CYYR1: variants seen among roughly 807,000 people sequenced by gnomAD.
CYYR1 encodes cysteine and tyrosine rich 1.
Under a neutral mutation model 15.2 loss-of-function variants are expected in CYYR1, and 14 were observed. The observed-to-expected ratio is 0.92, with a 90% CI of 0.61 to 1.44. The LOEUF (loss-of-function observed/expected upper bound fraction) is 1.44. Among genes scored for constraint, CYYR1 ranks in the 40% most tolerant of loss-of-function variants. The pLI is 0.00. For synonymous variants in CYYR1, 80 were observed against 77.4 expected (o/e 1.03, Z -0.18); for missense variants, 228 against 209.5 (o/e 1.09, Z -0.54).
intron 2 of CYYR1, among the ~76,000 whole-genome samples, chr21:26,520,113 GATATATATATATATAT>G (rs71183558): frequency 9.9e-5 from 12 of 120,704 alleles, no homozygotes; most frequent in African/African-American, 4.1e-4. Context: ...AAACCCAGGA[GATATATATATATATAT>G]ATATATATAT....
rs199720360 is a variant in CYYR1 at position 26,468,466 on chromosome 21, C to T, written c.*35G>A. 1.3e-4 allele frequency: 166 copies of T among 1,302,746 alleles called. No homozygotes were observed. The highest frequency in any genetic ancestry group is 1.6e-4 in the Non-Finnish European group (147 of 895,668). 80.7% of individuals were successfully genotyped at this position (1,302,746 alleles called of 1,614,324 possible). A position where few individuals can be genotyped will look rare whatever the true frequency, so the allele number is the denominator to read the frequency against. On this transcript the variant is annotated 3_prime_UTR_variant, in exon 4 of 4. Transcript: ENST00000652641. ...AGAGGCATTTTATTCCAGGCAAGAT[C>T]GCCCATTGGCACATGTTCTGTTCTG...
At chr21:26,486,335 C>T (rs1176003072) in intron 2 of CYYR1, among the ~76,000 whole-genome samples, 1 of 151,938 alleles carries the variant, frequency 6.6e-6, no homozygotes, top group Non-Finnish European at 1.5e-5. Flanking sequence ...GGGAACTTTT[C>T]ATGAAGCCCT....
chr21:26,512,177 C>T (rs1229641098), intron 2 of CYYR1, among the ~76,000 whole-genome samples: 2 of 151,918 alleles, frequency 1.3e-5, no homozygotes, highest in South Asian at 2.1e-4. Flanking sequence ...TTAGGAGTAT[C>T]GTTCACATTC....
At chr21:26,515,027 C>T (rs222924) in intron 2 of CYYR1, among the ~76,000 whole-genome samples, 108,176 of 152,194 alleles carry the variant, frequency 0.71, 39,519 homozygotes, top group African/African-American at 0.86. Flanking sequence ...ACTATCTTTT[C>T]TCCCCATGTT....
At chr21:26,530,936 T>C (rs1035127025) in intron 2 of CYYR1, among the ~76,000 whole-genome samples, 13 of 152,272 alleles carry the variant, frequency 8.5e-5, no homozygotes, top group African/African-American at 2.4e-4. Context: ...ATAATGATGA[T>C]GCAATGTGAC....
Position 26,526,242 on chromosome 21 carries a change from G to A in CYYR1, c.176+40024C>T, listed in dbSNP as rs141637575. Among the ~76,000 whole-genome samples, 237 of 152,286 alleles carry A rather than the reference G, an allele frequency of 1.6e-3. 4 individuals carry two copies. The East Asian group carries it at 0.041, about 26-fold the overall frequency. ...GTGGGTGGACCACTTAAGGTCAGGA[G>A]TTCGAAACCAGCCTGGCCAACATGG... On this transcript the variant is annotated intron_variant, in intron 2 of 3. Coordinates refer to ENST00000652641, the MANE Select transcript of CYYR1 (RefSeq NM_001320768.2).
intron 2 of CYYR1, among the ~76,000 whole-genome samples, chr21:26,507,130 C>T (rs2065578204): frequency 6.6e-6 from 1 of 152,140 alleles, no homozygotes; most frequent in African/African-American, 2.4e-5. Flanking sequence ...AATTCACACT[C>T]AATTTTGACA....
intron 3 of CYYR1, among the ~76,000 whole-genome samples, chr21:26,474,391 A>G (rs2065074339): frequency 6.7e-6 from 1 of 149,618 alleles, no homozygotes; most frequent in African/African-American, 2.5e-5. Flanking sequence ...CCATGAAAAA[A>G]GAAGAATACA....
intron 2 of CYYR1, among the ~76,000 whole-genome samples, chr21:26,501,607 T>G (rs956921322): frequency 2.0e-5 from 3 of 152,224 alleles, no homozygotes; most frequent in Non-Finnish European, 4.4e-5. Flanking sequence ...ACTTTTCTAT[T>G]CTGTTCACAA....
intron 2 of CYYR1, among the ~76,000 whole-genome samples, chr21:26,535,678 T>A (rs1569164479): frequency 6.6e-6 from 1 of 152,316 alleles, no homozygotes; most frequent in East Asian, 1.9e-4. Flanking sequence ...ATGCAATCTC[T>A]GCATTCTGAG....
chr21:26,493,521 A>G (rs1325214154), intron 2 of CYYR1, among the ~76,000 whole-genome samples: 2 of 152,194 alleles, frequency 1.3e-5, no homozygotes, highest in African/African-American at 4.8e-5. Context: ...CTAAAGGACT[A>G]TTACAACTCT....
intron 2 of CYYR1, among the ~76,000 whole-genome samples, chr21:26,519,621 C>G (rs982983518): frequency 6.6e-6 from 1 of 152,160 alleles, no homozygotes; most frequent in African/African-American, 2.4e-5. Context: ...GCGTTTTGAG[C>G]AGAGCAGTGG....
At chr21:26,563,157 A>G (rs1435521502) in intron 2 of CYYR1, among the ~76,000 whole-genome samples, 12 of 152,170 alleles carry the variant, frequency 7.9e-5, no homozygotes, top group Non-Finnish European at 1.2e-4. Flanking sequence ...TTTTAAGTTC[A>G]ATTTTAAAGT....
Position 26,480,296 on chromosome 21 carries a change from T to C in CYYR1, c.310A>G (p.Ile104Val). 6.2e-7 allele frequency: 1 copy of C among 1,612,886 alleles called. No individual in the cohort carries two copies. The highest frequency in any genetic ancestry group is 1.1e-5 in the South Asian group (1 of 90,936). Residue 104 changes from isoleucine to valine, a missense_variant, in exon 3 of 4, where the codon ATC (isoleucine) becomes GTC (valine). Ile to Val is a conservative substitution (Grantham distance 29). Transcript: ENST00000652641. ...CCAGGATAGGAGGAGACGGTGTTGATGTGAGTCGTCCTGAGGATGCCCACG... is the reference window on the plus strand; with the variant it reads ...CCAGGATAGGAGGAGACGGTGTTGACGTGAGTCGTCCTGAGGATGCCCACG... ...TRVGILRTTH[I>V]NTVSSYPAGP...
chr21:26,565,601 T>C (rs62216532), intron 2 of CYYR1, among the ~76,000 whole-genome samples: 6,705 of 152,322 alleles, frequency 0.044, 209 homozygotes, highest in Non-Finnish European at 0.062. Flanking sequence ...AGCTTCCATA[T>C]TTCCCTTTGT....
intron 2 of CYYR1, among the ~76,000 whole-genome samples, chr21:26,537,687 C>G (rs1042931730): frequency 7.2e-5 from 11 of 152,104 alleles, no homozygotes; most frequent in African/African-American, 2.2e-4. Flanking sequence ...CCTGATGTTT[C>G]AGGCTGGTAA....
chr21:26,482,082 TTTG>T lies in CYYR1; in HGVS notation c.177-1656_177-1654del, dbSNP rs999247985. Among the ~76,000 whole-genome samples the T allele has an allele frequency of 5.9e-5, 9 of 152,186 alleles. 1 individual carries two copies. Among genetic ancestry groups the T allele is most frequent in the Admixed American group, 3.9e-4 (6 of 15,264 alleles). On this transcript the variant is annotated intron_variant, in intron 2 of 3. Transcript: ENST00000652641. Reference sequence around the variant, plus strand: ...ATTATTATTACATTATTTTATATTTTTTGTTTTTACACATTATTTATTGCCTCC... The same window carrying T: ...ATTATTATTACATTATTTTATATTTTTTTTTACACATTATTTATTGCCTCC...
At chr21:26,512,456 G>GC (rs1477897798) in intron 2 of CYYR1, among the ~76,000 whole-genome samples, 1 of 151,920 alleles carries the variant, frequency 6.6e-6, no homozygotes, top group African/African-American at 2.4e-5. Context: ...ACCTGCCTTG[G>GC]CCCCCAAAGT....
At chr21:26,526,670 C>T (rs2065870568) in intron 2 of CYYR1, among the ~76,000 whole-genome samples, 1 of 152,122 alleles carries the variant, frequency 6.6e-6, no homozygotes, top group Admixed American at 6.6e-5. Flanking sequence ...ATTTCAGGAA[C>T]ACATCTTTCT....
Sources: gnomAD v4.1 joint callset for allele counts (sites outside exome capture counted in the v4.1 genomes callset) on GRCh38, gnomAD v4.1.1 for gene constraint, MANE v1.5 for transcripts, NCBI Gene and HGNC (gene_info 2026-07-23, HGNC 2026-07-21) for gene names.